Variants in SPMIP2 observed in about 807,000 individuals in gnomAD.
SPMIP2 encodes sperm microtubule inner protein 2.
the SPMIP2 span, among the ~76,000 whole-genome samples, chr4:158,960,757 G>A: frequency 6.6e-6 from 1 of 152,094 alleles, no homozygotes; most frequent in South Asian, 2.1e-4. Flanking sequence ...TCGTAATAAC[G>A]TAGGAAAGAG....
At chr4:158,995,000 G>C in the SPMIP2 span, among the ~76,000 whole-genome samples, 1 of 152,192 alleles carries the variant, frequency 6.6e-6, no homozygotes, top group Non-Finnish European at 1.5e-5. Flanking sequence ...TCAAATTTCT[G>C]AATGAGCCAA....
At chr4:159,026,011 T>C in the SPMIP2 span, 1 of 161,436 alleles carries the variant, frequency 6.2e-6, no homozygotes, top group Non-Finnish European at 1.3e-5. Context: ...CAACAGAAAC[T>C]TCTTTTTGCT....
the SPMIP2 span, among the ~76,000 whole-genome samples, chr4:158,928,666 G>C: frequency 6.6e-6 from 1 of 152,152 alleles, no homozygotes; most frequent in Non-Finnish European, 1.5e-5. Flanking sequence ...AACCCGCTCG[G>C]GTACCCTTCC....
chr4:158,925,284 C>T, the SPMIP2 span, among the ~76,000 whole-genome samples: 7 of 152,114 alleles, frequency 4.6e-5, no homozygotes, highest in Non-Finnish European at 7.4e-5. Flanking sequence ...TATCTTTCTA[C>T]GGATTTATCA....
At chr4:158,906,748 A>G in the SPMIP2 span, 1 of 152,126 alleles carries the variant, frequency 6.6e-6, no homozygotes, top group Admixed American at 6.5e-5. Flanking sequence ...TAATCCTTTA[A>G]ATATTTAACA....
At chr4:158,982,461 C>T in the SPMIP2 span, among the ~76,000 whole-genome samples, 4 of 152,202 alleles carry the variant, frequency 2.6e-5, no homozygotes, top group South Asian at 4.1e-4. Flanking sequence ...TAAAATTGAT[C>T]ACATAATTGG....
At chr4:158,905,465 T>C in the SPMIP2 span, 1 of 152,170 alleles carries the variant, frequency 6.6e-6, no homozygotes, top group Admixed American at 6.5e-5. Context: ...AAATGACTAT[T>C]TTTACTTTAA....
At chr4:158,975,685 T>C in the SPMIP2 span, among the ~76,000 whole-genome samples, 1 of 152,348 alleles carries the variant, frequency 6.6e-6, no homozygotes, top group Admixed American at 6.5e-5. Context: ...AGTACCATAC[T>C]ATTTTGGTTA....
At chr4:159,078,976 G>C in the SPMIP2 span, among the ~76,000 whole-genome samples, 2 of 152,010 alleles carry the variant, frequency 1.3e-5, no homozygotes, top group African/African-American at 4.8e-5. Flanking sequence ...AAATTAGCTG[G>C]GTGTGGTGGT....
At chr4:158,920,936 C>T in the SPMIP2 span, among the ~76,000 whole-genome samples, 1 of 152,228 alleles carries the variant, frequency 6.6e-6, no homozygotes, top group Non-Finnish European at 1.5e-5. Flanking sequence ...GTTTGAGGCT[C>T]AGGTGGGCAT....
chr4:159,041,571 C>T, the SPMIP2 span, among the ~76,000 whole-genome samples: 1 of 152,156 alleles, frequency 6.6e-6, no homozygotes, highest in Non-Finnish European at 1.5e-5. Flanking sequence ...AGAACCACCA[C>T]CACAACCAAA....
chr4:159,022,275 T>C, the SPMIP2 span, among the ~76,000 whole-genome samples: 1 of 152,244 alleles, frequency 6.6e-6, no homozygotes, highest in Admixed American at 6.5e-5. Context: ...CTAATTATCC[T>C]GTCACCAGTG....
chr4:158,902,713 G>T, the SPMIP2 span, among the ~76,000 whole-genome samples: 7 of 152,246 alleles, frequency 4.6e-5, no homozygotes, highest in Non-Finnish European at 1.0e-4. Flanking sequence ...AGGCAGTCTG[G>T]CCCCAGTGGC....
chr4:159,001,817 G>A, the SPMIP2 span, among the ~76,000 whole-genome samples: 7 of 152,280 alleles, frequency 4.6e-5, no homozygotes, highest in Non-Finnish European at 8.8e-5. Flanking sequence ...TTGTGTGCAC[G>A]TGTCTTTATG....
chr4:158,902,387 T>G, the SPMIP2 span, among the ~76,000 whole-genome samples: 2 of 152,142 alleles, frequency 1.3e-5, no homozygotes, highest in African/African-American at 4.8e-5. Flanking sequence ...CCCACCAGAT[T>G]CCAGCCAGAG....
the SPMIP2 span, among the ~76,000 whole-genome samples, chr4:159,044,036 T>C: frequency 6.6e-6 from 1 of 152,318 alleles, no homozygotes; most frequent in Non-Finnish European, 1.5e-5. Context: ...AATACTCCAC[T>C]TTGAAAATTT....
chr4:158,972,254 T>G, the SPMIP2 span, among the ~76,000 whole-genome samples: 1 of 152,142 alleles, frequency 6.6e-6, no homozygotes, highest in Non-Finnish European at 1.5e-5. Flanking sequence ...CCCAGCTACT[T>G]GGGAGGCTGA....
the SPMIP2 span, among the ~76,000 whole-genome samples, chr4:159,061,187 C>T: frequency 1.3e-5 from 2 of 150,816 alleles, no homozygotes; most frequent in East Asian, 3.9e-4. Flanking sequence ...AGCCAGAAAA[C>T]AGCAGAAAAA....
chr4:158,901,287 G>A, the SPMIP2 span, among the ~76,000 whole-genome samples: 516 of 151,888 alleles, frequency 3.4e-3, no homozygotes, highest in African/African-American at 0.011. Context: ...CGTGTGCCAC[G>A]AAAATTCTTT....
Sources: gnomAD v4.1 joint callset for allele counts (sites outside exome capture counted in the v4.1 genomes callset) on GRCh38, gnomAD v4.1.1 for gene constraint, MANE v1.5 for transcripts, NCBI Gene and HGNC (gene_info 2026-07-23, HGNC 2026-07-21) for gene names.